NMD3: variants seen among roughly 807,000 people sequenced by gnomAD.
NMD3 encodes 60S ribosomal export protein NMD3.
A neutral mutation model predicts 73.1 loss-of-function variants in NMD3; 47 were observed. The ratio of observed to expected loss-of-function variants is 0.64; its 90% CI spans 0.51 to 0.82. NMD3 has a LOEUF of 0.82. Among genes scored for constraint, NMD3 ranks in the 40% least tolerant of loss-of-function variants. NMD3 has a pLI of 0.00. For missense variants in NMD3, 554 were observed against 612.5 expected (o/e 0.90, Z 1.01); for synonymous variants, 210 against 194.5 (o/e 1.08, Z -0.66).
intron 14 of NMD3, 89 bp downstream of exon 14, chr3:161,249,649 C>A: frequency 1.3e-6 from 1 of 797,676 alleles, no homozygotes; most frequent in Non-Finnish European, 2.2e-6. Flanking sequence ...AGGCATCACA[C>A]AATTGATCCT....
At position 161,250,925 on chromosome 3, in the gene NMD3, C is replaced by T. The variant is rs763896702; in HGVS notation, c.*15C>T. 3.2e-5 allele frequency: 51 copies of T among 1,605,542 alleles called. No individual in the cohort carries two copies. The South Asian group carries it at 5.6e-4, about 18-fold the overall frequency. On this transcript the variant is annotated 3_prime_UTR_variant, in exon 16 of 16. Transcript: ENST00000351193. ...TGCTGACATAATGAGATGTTGTAGA[C>T]TGTTTCCATACATGGGCTTAAGAAG...
At chr3:161,249,411 A>G in intron 13 of NMD3, 43 bp from the exon 14 acceptor site, 1 of 1,321,874 alleles carries the variant, frequency 7.6e-7, no homozygotes, top group Non-Finnish European at 1.1e-6. Context: ...GCCTCACTGT[A>G]TAGTTCCCAT....
chr3:161,228,481 T>G (rs1054704390), intron 4 of NMD3, among the ~76,000 whole-genome samples: 3 of 151,964 alleles, frequency 2.0e-5, no homozygotes, highest in Non-Finnish European at 4.4e-5. Context: ...AGTTCCAGAG[T>G]CTTTCATGTT....
At chr3:161,243,180 T>C (rs544708671) in intron 11 of NMD3, among the ~76,000 whole-genome samples, 8 of 152,184 alleles carry the variant, frequency 5.3e-5, no homozygotes, top group Non-Finnish European at 1.2e-4. Flanking sequence ...TCTATGTGTA[T>C]TGTTTTTTCC....
Position 161,221,988 on chromosome 3 carries a change from TAA to T in NMD3, c.-20-3_-20-2del. Reference sequence around the variant, plus strand: ...TTTTTTTTTTTTTTTTTTTTTTTTTTAAAAGAACTTAAGGCATACAGAACGAT... The same window carrying T: ...TTTTTTTTTTTTTTTTTTTTTTTTTTAAGAACTTAAGGCATACAGAACGAT... On this transcript the variant is annotated splice_region_variant and splice_polypyrimidine_tract_variant and intron_variant, in intron 1 of 15. Transcript: ENST00000351193. 3 of 1,191,948 alleles carry T rather than the reference TAA, an allele frequency of 2.5e-6. No individual in the cohort carries two copies. Among genetic ancestry groups the T allele is most frequent in the Non-Finnish European group, 3.5e-6 (3 of 853,662 alleles). 73.8% of individuals were successfully genotyped at this position (1,191,948 alleles called of 1,614,324 possible).
At chr3:161,227,787 C>T in intron 4 of NMD3, among the ~76,000 whole-genome samples, 1 of 152,044 alleles carries the variant, frequency 6.6e-6, no homozygotes. Flanking sequence ...GCCAGTAGCA[C>T]CCCACTACAA....
In NMD3 at chr3:161,251,486, A is replaced by G. The variant is rs1737486162; in HGVS notation, c.*576A>G. 1 of 152,172 alleles carries G rather than the reference A, an allele frequency of 6.6e-6. No homozygotes were observed. The highest frequency in any genetic ancestry group is 2.1e-4 in the South Asian group (1 of 4,830). The allele number at this position is 152,172 out of a possible 1,614,324, so 9.4% of individuals were successfully genotyped here. A position where few individuals can be genotyped will look rare whatever the true frequency, so the allele number is the denominator to read the frequency against. On this transcript the variant is annotated 3_prime_UTR_variant, in exon 16 of 16. Coordinates refer to ENST00000351193, the MANE Select transcript of NMD3 (RefSeq NM_015938.5). ...AAATTAACTCTTCAAAAGCCGTTAA[A>G]CAGAGAGTTATCTTAATTTTTATTG...
intron 4 of NMD3, among the ~76,000 whole-genome samples, chr3:161,230,249 C>T (rs1206646893): frequency 2.0e-5 from 3 of 152,130 alleles, no homozygotes; most frequent in South Asian, 4.1e-4. Context: ...CAAACATGCA[C>T]CACCACACCT....
chr3:161,251,063 C>A lies in NMD3; in HGVS notation c.*153C>A. 2 of 552,668 alleles carry A rather than the reference C, an allele frequency of 3.6e-6. No individual in the cohort carries two copies. Among genetic ancestry groups the A allele is most frequent in the Non-Finnish European group, 6.4e-6 (2 of 312,344 alleles). 34.2% of individuals were successfully genotyped at this position (552,668 alleles called of 1,614,324 possible). ...TTGTTTTCAGTGCTCACTCAAACCA[C>A]TAAAACAGATGGATAGCTTTGAGGT... On this transcript the variant is annotated 3_prime_UTR_variant, in exon 16 of 16. Coordinates refer to ENST00000351193, the MANE Select transcript of NMD3 (RefSeq NM_015938.5).
In NMD3 at chr3:161,242,767, G is replaced by C. The variant is rs538782632; in HGVS notation, c.1017+114G>C. 2.7e-5 allele frequency: 23 copies of C among 856,554 alleles called. 1 individual carries two copies. In the African/African-American group the frequency reaches 3.4e-4, roughly 13 times the overall value. The allele number at this position is 856,554 out of a possible 1,614,324, so 53.1% of individuals were successfully genotyped here. A position where few individuals can be genotyped will look rare whatever the true frequency, so the allele number is the denominator to read the frequency against. ...TTCCACAGTATGGAATCCAAACTTA[G>C]CACCACATTAGGAAAAAAATTCTTT... On this transcript the variant is annotated intron_variant, in intron 11 of 15. Transcript: ENST00000351193.
At chr3:161,244,909 A>G (rs981779003) in intron 11 of NMD3, among the ~76,000 whole-genome samples, 2 of 151,856 alleles carry the variant, frequency 1.3e-5, no homozygotes, top group Non-Finnish European at 2.9e-5. Flanking sequence ...TGAAATCCTC[A>G]TATTGCCCTA....
At chr3:161,222,983 T>G (rs1175971276) in intron 2 of NMD3, 2 of 152,242 alleles carry the variant, frequency 1.3e-5, no homozygotes, top group African/African-American at 4.8e-5. Flanking sequence ...AGTGCTGATC[T>G]TCCTTGTTCT....
chr3:161,227,972 G>T (rs1736389791), intron 4 of NMD3, among the ~76,000 whole-genome samples: 1 of 151,708 alleles, frequency 6.6e-6, no homozygotes, highest in Admixed American at 6.6e-5. Context: ...TATAATATTA[G>T]GGCTATGTTA....
chr3:161,224,531 A>T (rs2108073468), intron 2 of NMD3, among the ~76,000 whole-genome samples: 1 of 152,032 alleles, frequency 6.6e-6, no homozygotes, highest in African/African-American at 2.4e-5. Flanking sequence ...TTGGTCTGTC[A>T]CCCAGGCTGG....
intron 5 of NMD3, among the ~76,000 whole-genome samples, chr3:161,234,114 AT>A (rs937706688): frequency 8.7e-5 from 13 of 150,078 alleles, no homozygotes; most frequent in African/African-American, 2.9e-4. Flanking sequence ...AAATTAAGGA[AT>A]TTTTTTTTTG....
intron 3 of NMD3, among the ~76,000 whole-genome samples, chr3:161,225,822 A>G (rs1430295265): frequency 6.6e-6 from 1 of 152,100 alleles, no homozygotes; most frequent in Non-Finnish European, 1.5e-5. Context: ...ACATGTATAT[A>G]TATGTGTGTG....
At chr3:161,233,836 C>T (rs1385494304) in intron 5 of NMD3, among the ~76,000 whole-genome samples, 1 of 152,148 alleles carries the variant, frequency 6.6e-6, no homozygotes, top group African/African-American at 2.4e-5. Flanking sequence ...TTGAGTATCC[C>T]TTATCTGAAA....
At position 161,242,538 on chromosome 3, in the gene NMD3, G is replaced by A. The variant is rs1737030659; in HGVS notation, c.902G>A (p.Ser301Asn). The part of the protein sequence containing the change: ...VADIDGSTFW[S>N]HPFNSLCHPK... Reference sequence around the variant, plus strand: ...GATATTGATGGGAGCACTTTCTGGAGTCACCCTTTCAATAGTTTATGTCAT... The same window carrying A: ...GATATTGATGGGAGCACTTTCTGGAATCACCCTTTCAATAGTTTATGTCAT... The change falls in exon 11 of 16, where the codon AGT (serine) becomes AAT (asparagine). Residue 301 changes from serine (S) to asparagine (N), a missense_variant. By Grantham distance (46) the Ser-to-Asn change is conservative. Coordinates refer to ENST00000351193, the MANE Select transcript of NMD3 (RefSeq NM_015938.5). 1 of 1,613,438 alleles carries A rather than the reference G, an allele frequency of 6.2e-7. No homozygotes were observed. The highest frequency in any genetic ancestry group is 8.5e-7 in the Non-Finnish European group (1 of 1,179,614).
intron 11 of NMD3, among the ~76,000 whole-genome samples, chr3:161,243,200 A>G (rs1259030943): frequency 6.6e-6 from 1 of 152,204 alleles, no homozygotes; most frequent in Admixed American, 6.5e-5. Flanking sequence ...CTATACATAC[A>G]TACCTATGAT....
Sources: allele counts gnomAD v4.1 joint callset (sites outside exome capture counted in the v4.1 genomes callset), GRCh38; gene constraint gnomAD v4.1.1; transcripts MANE v1.5; gene names NCBI Gene and HGNC (gene_info 2026-07-23, HGNC 2026-07-21).